CNOT6L: variants seen among roughly 807,000 people sequenced by gnomAD.
CNOT6L encodes the protein CCR4-NOT transcription complex subunit 6-like.
A neutral mutation model predicts 64.0 loss-of-function variants in CNOT6L; 7 were observed. The ratio of observed to expected loss-of-function variants is 0.11; its 90% CI spans 0.06 to 0.21. The LOEUF (loss-of-function observed/expected upper bound fraction) is 0.21, where lower values mean the gene tolerates loss of function less well. Among genes scored for constraint, CNOT6L ranks in the 10% least tolerant of loss-of-function variants. CNOT6L has a pLI of 1.00. For missense variants in CNOT6L, 245 were observed against 669.0 expected, an observed-to-expected ratio of 0.37 and a Z score of 6.99; for synonymous variants, 193 against 243.4, an observed-to-expected ratio of 0.79 and a Z score of 1.93.
At chr4:77,749,194 G>C (rs902742465) in intron 5 of CNOT6L, among the ~76,000 whole-genome samples, 5 of 152,088 alleles carry the variant, frequency 3.3e-5, no homozygotes, top group Non-Finnish European at 5.9e-5. Flanking sequence ...TAACAGTTTT[G>C]GTGTTCTGAA....
chr4:77,791,963 T>C (rs1188601184), intron 1 of CNOT6L, among the ~76,000 whole-genome samples: 5 of 152,168 alleles, frequency 3.3e-5, no homozygotes, highest in African/African-American at 4.8e-5. Flanking sequence ...CAAGGATACT[T>C]TACACTGTAT....
intron 1 of CNOT6L, among the ~76,000 whole-genome samples, chr4:77,816,903 T>C (rs1355754738): frequency 6.6e-6 from 1 of 152,182 alleles, no homozygotes; most frequent in Non-Finnish European, 1.5e-5. Flanking sequence ...AGTTAAAATT[T>C]AATGAACACA....
chr4:77,786,627 AC>A (rs1417524137), intron 1 of CNOT6L, among the ~76,000 whole-genome samples: 1 of 151,384 alleles, frequency 6.6e-6, no homozygotes, highest in Non-Finnish European at 1.5e-5. Flanking sequence ...TGTGCATACC[AC>A]CCCACGCCTG....
chr4:77,752,888 A>G (rs975979352), intron 5 of CNOT6L, among the ~76,000 whole-genome samples: 5 of 151,974 alleles, frequency 3.3e-5, no homozygotes, highest in Non-Finnish European at 5.9e-5. Flanking sequence ...ACAATAAAGA[A>G]GACCAATGAA....
intron 1 of CNOT6L, among the ~76,000 whole-genome samples, chr4:77,779,046 C>CAAAAAAAAAAAAAAAAAAAAAAAAAAA (rs747920305): frequency 3.0e-5 from 2 of 67,126 alleles, no homozygotes; most frequent in Non-Finnish European, 5.6e-5. Flanking sequence ...GACTCTGTCT[C>CAAAAAAAAAAAAAAAAAAAAAAAAAAA]AAAAAAAAAA....
At chr4:77,789,738 C>T (rs770192738) in intron 1 of CNOT6L, among the ~76,000 whole-genome samples, 6 of 150,452 alleles carry the variant, frequency 4.0e-5, no homozygotes, top group Admixed American at 2.0e-4. Flanking sequence ...ATGGCATGAG[C>T]TCAGGAGTTT....
chr4:77,743,874 C>CT (rs1177530793), intron 7 of CNOT6L, among the ~76,000 whole-genome samples: 1 of 151,962 alleles, frequency 6.6e-6, no homozygotes, highest in Non-Finnish European at 1.5e-5. Context: ...AGTACTGGGA[C>CT]TATAGGCGTG....
At chr4:77,785,737 A>G (rs1182598221) in intron 1 of CNOT6L, among the ~76,000 whole-genome samples, 2 of 152,222 alleles carry the variant, frequency 1.3e-5, no homozygotes, top group Non-Finnish European at 2.9e-5. Flanking sequence ...TTAATAAATG[A>G]CAATATCTAG....
rs762877547 is a variant in CNOT6L at position 77,774,665 on chromosome 4, G to A, written c.179C>T (p.Ala60Val). ...TSLWSLTHLT[A>V]LHLNDNYLSR... ...AAGGTAATTGTCATTTAGGTGCAGC[G>A]CTGTCAAGTGTGTCAATGACCAAAG... The change falls in exon 3 of 12, where the codon GCG becomes GTG. Residue 60 changes from alanine (A) to valine (V), a missense_variant. Physicochemically the swap from Ala to Val is moderately conservative, Grantham distance 64. Around this residue, in one of 10 missense-constraint regions of CNOT6L, gnomAD observed 78 missense variants for 137.6 expected, o/e 0.57. Transcript: ENST00000504123. 77 of 1,612,790 alleles carry A rather than the reference G, an allele frequency of 4.8e-5. No homozygotes were observed. In the Admixed American group the frequency reaches 5.2e-4, roughly 11 times the overall value.
In CNOT6L at chr4:77,767,582, A is replaced by C. The variant is rs567516188; in HGVS notation, c.400+5499T>G. Among the ~76,000 whole-genome samples, 6 of 151,390 alleles carry C rather than the reference A, an allele frequency of 4.0e-5. No individual in the cohort carries two copies. In the South Asian group the frequency reaches 1.3e-3, roughly 32 times the overall value. On this transcript the variant is annotated intron_variant, in intron 4 of 11. Transcript: ENST00000504123. ...AGTGACTTTACTGATCACTGAGAAA[A>C]GGAAAAACTATTCACTAATGATGTT...
intron 11 of CNOT6L, among the ~76,000 whole-genome samples, chr4:77,724,712 CAAT>C (rs1015367013): frequency 1.4e-4 from 21 of 149,826 alleles, no homozygotes; most frequent in Admixed American, 1.3e-3. Context: ...CATACCTGAA[CAAT>C]AATAATAGTT....
At chr4:77,792,710 A>C (rs550779013) in intron 1 of CNOT6L, among the ~76,000 whole-genome samples, 1 of 139,380 alleles carries the variant, frequency 7.2e-6, no homozygotes, top group African/African-American at 2.6e-5. Flanking sequence ...TGGGTGACAG[A>C]GTAAGACTCT....
chr4:77,769,279 AT>A (rs1199414903), intron 4 of CNOT6L, among the ~76,000 whole-genome samples: 2 of 152,188 alleles, frequency 1.3e-5, no homozygotes, highest in African/African-American at 2.4e-5. Context: ...GGAGAAAGAC[AT>A]AATCGTGAAA....
At chr4:77,785,553 TCAAAA>T (rs1437963625) in intron 1 of CNOT6L, among the ~76,000 whole-genome samples, 4 of 151,878 alleles carry the variant, frequency 2.6e-5, no homozygotes, top group Non-Finnish European at 5.9e-5. Flanking sequence ...TAAAGAACTC[TCAAAA>T]CAAAATAATA....
chr4:77,780,094 A>G (rs187218785), intron 1 of CNOT6L, among the ~76,000 whole-genome samples: 2 of 152,300 alleles, frequency 1.3e-5, no homozygotes, highest in East Asian at 3.9e-4. Context: ...ACAAAAATCT[A>G]TTTCAAAATA....
chr4:77,726,130 A>C (rs1560572557), intron 11 of CNOT6L, 37 bp downstream of exon 11: 1 of 1,562,894 alleles, frequency 6.4e-7, no homozygotes, highest in South Asian at 1.1e-5. Context: ...CTTGTATCTG[A>C]AATAATTTCT....
chr4:77,757,728 C>G (rs1324411919), intron 4 of CNOT6L, among the ~76,000 whole-genome samples: 1 of 152,168 alleles, frequency 6.6e-6, no homozygotes, highest in East Asian at 1.9e-4. Context: ...TTGAGACAGT[C>G]TCACTCTGTT....
intron 4 of CNOT6L, among the ~76,000 whole-genome samples, chr4:77,766,896 C>G (rs59844054): frequency 6.6e-6 from 1 of 151,380 alleles, no homozygotes; most frequent in Non-Finnish European, 1.5e-5. Context: ...AACCCTGTCT[C>G]TACCAAAAAC....
chr4:77,724,035 G>A (rs980627717), intron 11 of CNOT6L, among the ~76,000 whole-genome samples: 8 of 150,468 alleles, frequency 5.3e-5, no homozygotes, highest in South Asian at 2.1e-4. Context: ...TGAGGTGGAC[G>A]GATTGCTTGA....
Sources: gnomAD v4.1 joint callset for allele counts (sites outside exome capture counted in the v4.1 genomes callset) on GRCh38, gnomAD v4.1.1 for gene constraint, gnomAD v4.1.1 regional missense constraint, MANE v1.5 for transcripts, NCBI Gene and HGNC (gene_info 2026-07-23, HGNC 2026-07-21) for gene names.